Variants in GRID2 observed in about 807,000 individuals in gnomAD.
GRID2 encodes glutamate ionotropic receptor delta type subunit 2.
In GRID2, 33 loss-of-function variants were observed where a neutral mutation model predicts 114.8. The ratio of observed to expected loss-of-function variants is 0.29; its 90% CI spans 0.22 to 0.38. GRID2 has a LOEUF of 0.38. GRID2 is among the 10% of genes least tolerant of loss of function. GRID2 has a pLI of 1.00. For missense variants in GRID2, 1,184 were observed against 1,257.7 expected (o/e 0.94, Z 0.89); for synonymous variants, 505 against 449.9 (o/e 1.12, Z -1.55).
chr4:92,762,187 A>C (rs1738051201), intron 2 of GRID2, among the ~76,000 whole-genome samples: 1 of 152,088 alleles, frequency 6.6e-6, no homozygotes, highest in Non-Finnish European at 1.5e-5. Context: ...TGCTGAGATT[A>C]CAGGCGTGAG....
intron 8 of GRID2, among the ~76,000 whole-genome samples, chr4:93,340,086 T>C (rs970535706): frequency 2.0e-5 from 3 of 152,172 alleles, no homozygotes; most frequent in Admixed American, 2.0e-4. Flanking sequence ...CTTTTGTTGT[T>C]TGCAGTTTCC....
intron 13 of GRID2, among the ~76,000 whole-genome samples, chr4:93,564,033 A>G (rs1337222737): frequency 2.0e-5 from 3 of 152,006 alleles, no homozygotes; most frequent in African/African-American, 4.8e-5. Context: ...AAGAAAATAA[A>G]TTATATGTAA....
At chr4:93,234,533 G>A (rs1369834979) in intron 7 of GRID2, among the ~76,000 whole-genome samples, 4 of 151,598 alleles carry the variant, frequency 2.6e-5, no homozygotes, top group African/African-American at 9.7e-5. Context: ...GACTATTTGA[G>A]TGTATATGTA....
chr4:93,012,507 T>G (rs1018263520), intron 2 of GRID2, among the ~76,000 whole-genome samples: 6 of 152,030 alleles, frequency 3.9e-5, no homozygotes, highest in African/African-American at 1.2e-4. Flanking sequence ...TACTGTGCAT[T>G]TGATAGGTGG....
chr4:93,792,325 A>G (rs1734711283), intron 1 of GRID2, among the ~76,000 whole-genome samples: 1 of 152,124 alleles, frequency 6.6e-6, no homozygotes, highest in Non-Finnish European at 1.5e-5. Flanking sequence ...TAGTTTGGCA[A>G]CATACACATC....
intron 8 of GRID2, among the ~76,000 whole-genome samples, chr4:93,317,757 G>A (rs1401546195): frequency 4.0e-5 from 6 of 151,544 alleles, no homozygotes; most frequent in Non-Finnish European, 7.4e-5. Context: ...TCTTCATATA[G>A]GGAGTATACC....
chr4:93,323,985 A>AG (rs1272876773), intron 8 of GRID2, among the ~76,000 whole-genome samples: 1 of 152,170 alleles, frequency 6.6e-6, no homozygotes, highest in Non-Finnish European at 1.5e-5. Flanking sequence ...CAATCATGTC[A>AG]TCTGCAAACA....
At chr4:92,698,829 A>T (rs1472736864) in intron 2 of GRID2, among the ~76,000 whole-genome samples, 1 of 152,148 alleles carries the variant, frequency 6.6e-6, no homozygotes, top group African/African-American at 2.4e-5. Flanking sequence ...ATGTGTATCT[A>T]TTAAAAGACA....
At chr4:93,415,096 T>C (rs887401431) in intron 9 of GRID2, among the ~76,000 whole-genome samples, 1 of 152,156 alleles carries the variant, frequency 6.6e-6, no homozygotes, top group African/African-American at 2.4e-5. Flanking sequence ...AACAGAAATA[T>C]GATTCATCAA....
intron 1 of GRID2, among the ~76,000 whole-genome samples, chr4:93,803,664 G>A (rs1159392140): frequency 1.3e-5 from 2 of 152,066 alleles, no homozygotes; most frequent in African/African-American, 4.8e-5. Context: ...GGAGGCTGCA[G>A]CAAGCCGAGA....
intron 2 of GRID2, among the ~76,000 whole-genome samples, chr4:93,059,613 T>C (rs1727584316): frequency 6.6e-6 from 1 of 152,138 alleles, no homozygotes; most frequent in Non-Finnish European, 1.5e-5. Flanking sequence ...ACTTTATGTA[T>C]TGTTATGAAA....
intron 14 of GRID2, among the ~76,000 whole-genome samples, chr4:93,758,550 GA>G (rs1217760777): frequency 1.3e-5 from 2 of 152,174 alleles, no homozygotes; most frequent in East Asian, 3.9e-4. Flanking sequence ...AAATGCTAAG[GA>G]AAATGTTTGT....
chr4:93,543,628 A>G (rs1309476135), intron 13 of GRID2, among the ~76,000 whole-genome samples: 2 of 152,036 alleles, frequency 1.3e-5, no homozygotes, highest in Non-Finnish European at 2.9e-5. Context: ...ATGTGTGAGA[A>G]TATCAAACGG....
intron 1 of GRID2, among the ~76,000 whole-genome samples, chr4:92,466,596 G>A (rs754477585): frequency 6.6e-6 from 1 of 151,560 alleles, no homozygotes; most frequent in Non-Finnish European, 1.5e-5. Flanking sequence ...AAAATTATTT[G>A]CCATTACTCA....
chr4:92,685,713 C>A (rs1196413008), intron 2 of GRID2, among the ~76,000 whole-genome samples: 1 of 151,872 alleles, frequency 6.6e-6, no homozygotes, highest in Non-Finnish European at 1.5e-5. Context: ...GTTGCCAACC[C>A]TAAAGAATGA....
intron 14 of GRID2, among the ~76,000 whole-genome samples, chr4:93,727,365 A>G (rs1308133329): frequency 6.6e-6 from 1 of 152,008 alleles, no homozygotes; most frequent in Non-Finnish European, 1.5e-5. Flanking sequence ...AAGCTTTTTG[A>G]TGTGCTGCTG....
chr4:92,721,705 A>T (rs767053639), intron 2 of GRID2, among the ~76,000 whole-genome samples: 2 of 152,130 alleles, frequency 1.3e-5, no homozygotes, highest in Non-Finnish European at 2.9e-5. Context: ...TTTTCTGTAA[A>T]TATTTTGTGG....
At chr4:92,800,291 A>T (rs1375771579) in intron 2 of GRID2, among the ~76,000 whole-genome samples, 1 of 151,920 alleles carries the variant, frequency 6.6e-6, no homozygotes, top group Non-Finnish European at 1.5e-5. Flanking sequence ...AACAAAAATC[A>T]CATAAAACAG....
intron 2 of GRID2, among the ~76,000 whole-genome samples, chr4:92,970,152 A>G (rs955352797): frequency 2.0e-5 from 3 of 151,944 alleles, no homozygotes; most frequent in African/African-American, 7.2e-5. Context: ...TATTGTTGAC[A>G]TTGAGTAAGA....
Sources: allele counts gnomAD v4.1 joint callset (sites outside exome capture counted in the v4.1 genomes callset), GRCh38; gene constraint gnomAD v4.1.1; transcripts MANE v1.5; gene names NCBI Gene and HGNC (gene_info 2026-07-23, HGNC 2026-07-21).